The following ZNF730 variants were observed in gnomAD, a reference collection of about 807,000 sequenced individuals.
ZNF730 encodes the protein putative zinc finger protein 730.
ZNF730 carries 12 observed loss-of-function variants against 12.6 expected under a neutral mutation model. The ratio of observed to expected loss-of-function variants is 0.95; its 90% CI spans 0.61 to 1.54. The LOEUF (loss-of-function observed/expected upper bound fraction) is 1.54, where lower values mean the gene tolerates loss of function less well. Ranked by LOEUF, ZNF730 falls within the 40% of genes most tolerant of loss-of-function variation. The probability of loss-of-function intolerance (pLI) is 0.00; values close to 1 mark genes in which losing one functional copy is unlikely to be tolerated. For synonymous variants in ZNF730, 194 were observed against 195.8 expected, an observed-to-expected ratio of 0.99 and a Z score of 0.08; for missense variants, 643 against 583.5, an observed-to-expected ratio of 1.10 and a Z score of -1.05.
At chr19:23,138,001 C>CT (rs150250039) in intron 3 of ZNF730, among the ~76,000 whole-genome samples, 1,332 of 75,112 alleles carry the variant, frequency 0.018, 208 homozygotes, top group East Asian at 0.034. Context: ...ATGGCTTTCA[C>CT]GGCCGGGCGC....
chr19:23,127,625 G>T (rs2145633898), intron 1 of ZNF730: 1 of 1,032,842 alleles, frequency 9.7e-7, no homozygotes, highest in South Asian at 1.3e-5. Flanking sequence ...TTTAAAATTT[G>T]GCAATAAACT....
upstream of ZNF730, chr19:23,116,922 GGGGCGGGGCC>G: frequency 9.2e-6 from 8 of 866,596 alleles, no homozygotes; most frequent in Non-Finnish European, 1.2e-5. Context: ...AGGGCCTGAG[GGGGCGGGGCC>G]TTAAACGTTA....
At chr19:23,116,531 C>T (rs917071477), upstream of ZNF730, among the ~76,000 whole-genome samples, 1 of 149,566 alleles carries the variant, frequency 6.7e-6, no homozygotes, top group African/African-American at 2.5e-5. Flanking sequence ...CTTAGCCTCC[C>T]GAGTAGCTGG....
intron 1 of ZNF730, among the ~76,000 whole-genome samples, chr19:23,076,552 G>A (rs553055512): frequency 6.6e-6 from 1 of 152,244 alleles, no homozygotes; most frequent in Non-Finnish European, 1.5e-5. Flanking sequence ...CTCTTGGAGT[G>A]TCTAATGAAT....
intron 3 of ZNF730, among the ~76,000 whole-genome samples, chr19:23,142,127 T>C (rs1970931162): frequency 6.6e-6 from 1 of 152,162 alleles, no homozygotes; most frequent in South Asian, 2.1e-4. Flanking sequence ...AGTGAATAAA[T>C]CTATAATTTT....
chr19:23,102,232 A>G (rs1435137654), intron 1 of ZNF730, among the ~76,000 whole-genome samples: 4 of 152,086 alleles, frequency 2.6e-5, no homozygotes, highest in Non-Finnish European at 5.9e-5. Context: ...ATTGTTACCT[A>G]TTGCTGGGCT....
At chr19:23,116,439 ACT>A (rs1401583000), upstream of ZNF730, among the ~76,000 whole-genome samples, 1 of 130,882 alleles carries the variant, frequency 7.6e-6, no homozygotes, top group Non-Finnish European at 1.6e-5. Context: ...CTTTCATCTC[ACT>A]CTGTCACCAG....
intron 1 of ZNF730, 103 bp downstream of exon 1, chr19:23,117,279 A>C (rs1024083688): frequency 1.3e-6 from 2 of 1,592,962 alleles, no homozygotes; most frequent in African/African-American, 2.7e-5. Context: ...TCAGCTTCAC[A>C]ATCTGCGCCC....
chr19:23,127,575 TA>T, intron 1 of ZNF730: 1 of 933,114 alleles, frequency 1.1e-6, no homozygotes, highest in Middle Eastern at 2.8e-4. Flanking sequence ...TGAAGCCAGA[TA>T]AATTGCTCAT....
chr19:23,089,054 T>G (rs1240457567), intron 1 of ZNF730, among the ~76,000 whole-genome samples: 1 of 151,980 alleles, frequency 6.6e-6, no homozygotes, highest in Non-Finnish European at 1.5e-5. Context: ...GTATTTTTAG[T>G]AGAGAGGGGG....
chr19:23,129,572 T>TCCC (rs35242637), intron 1 of ZNF730, among the ~76,000 whole-genome samples: 29,911 of 136,708 alleles, frequency 0.22, 3,418 homozygotes, highest in African/African-American at 0.26. Flanking sequence ...AATGCTTGTA[T>TCCC]CCCCCCCCCC....
At chr19:23,109,381 A>G (rs1599583321) in intron 1 of ZNF730, among the ~76,000 whole-genome samples, 1 of 149,514 alleles carries the variant, frequency 6.7e-6, no homozygotes, top group Non-Finnish European at 1.5e-5. Context: ...GGCACACACC[A>G]CCACGCCCAG....
At chr19:23,099,971 G>A (rs1021564572) in intron 1 of ZNF730, 2 of 152,142 alleles carry the variant, frequency 1.3e-5, no homozygotes, top group African/African-American at 4.8e-5. Context: ...TCTCTTCTTG[G>A]TGCTGCCGCA....
At chr19:23,110,618 GTC>G (rs1332648779) in intron 1 of ZNF730, among the ~76,000 whole-genome samples, 1 of 152,148 alleles carries the variant, frequency 6.6e-6, no homozygotes, top group Non-Finnish European at 1.5e-5. Flanking sequence ...ACAGTTAATG[GTC>G]TAATTCTAAT....
chr19:23,130,202 G>A (rs564759334), intron 1 of ZNF730, among the ~76,000 whole-genome samples: 8 of 152,052 alleles, frequency 5.3e-5, no homozygotes, highest in East Asian at 3.9e-4. Flanking sequence ...TCTTCCCTGC[G>A]CTGTTCTCGT....
chr19:23,131,633 G>A (rs1970743913), intron 1 of ZNF730, among the ~76,000 whole-genome samples: 1 of 152,216 alleles, frequency 6.6e-6, no homozygotes, highest in Admixed American at 6.5e-5. Context: ...AGAGTGCTGA[G>A]TGTAATGAAC....
intron 1 of ZNF730, 72 bp downstream of exon 1, chr19:23,117,248 G>A (rs1455640483): frequency 1.9e-6 from 3 of 1,610,986 alleles, no homozygotes; most frequent in African/African-American, 2.7e-5. Flanking sequence ...CGGCTGTGGC[G>A]GGACCCAGGC....
At chr19:23,087,120 A>G (rs1287630351) in intron 1 of ZNF730, among the ~76,000 whole-genome samples, 1 of 152,122 alleles carries the variant, frequency 6.6e-6, no homozygotes, top group East Asian at 1.9e-4. Context: ...AATGCTAGTA[A>G]TTTTTGGCTG....
intron 1 of ZNF730, among the ~76,000 whole-genome samples, chr19:23,085,826 A>ATTTT (rs1383951518): frequency 4.1e-4 from 30 of 72,540 alleles, no homozygotes; most frequent in African/African-American, 1.6e-3. Context: ...ATTTCACCCA[A>ATTTT]TTTTTTTTTC....
Sources: gnomAD v4.1 joint callset for allele counts (sites outside exome capture counted in the v4.1 genomes callset) on GRCh38, gnomAD v4.1.1 for gene constraint, MANE v1.5 for transcripts, NCBI Gene and HGNC (gene_info 2026-07-23, HGNC 2026-07-21) for gene names.